The following COL19A1 variants were observed in gnomAD, a reference collection of about 807,000 sequenced individuals.
COL19A1 encodes the protein collagen alpha-1(XIX) chain.
COL19A1 carries 159 observed loss-of-function variants against 190.2 expected under a neutral mutation model. That is an observed-to-expected ratio of 0.84 (90% CI 0.73 to 0.95). The LOEUF is 0.95. Ranked by LOEUF, COL19A1 falls within the 40% of genes least tolerant of loss-of-function variation. The pLI, the probability that COL19A1 is intolerant of heterozygous loss-of-function variation, is 0.00. For missense variants in COL19A1, 1,418 were observed against 1,431.9 expected, an observed-to-expected ratio of 0.99 and a Z score of 0.16; for synonymous variants, 509 against 458.9, an observed-to-expected ratio of 1.11 and a Z score of -1.39.
At chr6:69,936,714 G>A (rs1773134661) in intron 7 of COL19A1, 71 bp from the exon 8 acceptor site, 1 of 1,570,166 alleles carries the variant, frequency 6.4e-7, no homozygotes, top group Non-Finnish European at 8.7e-7. Context: ...TAGTTTAGTG[G>A]GAGCCAGTGT....
chr6:69,954,800 C>T (rs1774317200), intron 9 of COL19A1, among the ~76,000 whole-genome samples: 1 of 151,980 alleles, frequency 6.6e-6, no homozygotes, highest in African/African-American at 2.4e-5. Flanking sequence ...TAACCATTTA[C>T]TTCAGGGCTA....
chr6:69,927,937 G>T lies in COL19A1; in HGVS notation c.295G>T (p.Glu99Ter). The T allele has an allele frequency of 6.2e-7, 1 of 1,612,866 alleles. No homozygotes were observed. The highest frequency in any genetic ancestry group is 8.5e-7 in the Non-Finnish European group (1 of 1,179,232). ...IKIFPKGLPE[E>*]YSVAAMFRVR... ...GATATTTCCCAAAGGCCTTCCTGAG[G>T]AGTACTCAGTAGCTGCCATGTTTCG... The change falls in exon 5 of 51, where the codon GAG (glutamate) becomes TAG (stop). Residue 99 changes from glutamate (E) to a stop codon, truncating the protein, a stop_gained. Transcript: ENST00000620364. LOFTEE classifies it high-confidence loss of function.
At chr6:69,965,898 T>A (rs905780301) in intron 11 of COL19A1, among the ~76,000 whole-genome samples, 38 of 152,298 alleles carry the variant, frequency 2.5e-4, no homozygotes, top group African/African-American at 8.7e-4. Flanking sequence ...TCTCCACAGC[T>A]GAGAGTTGTA....
At chr6:69,975,490 CAT>C (rs1375682445) in intron 11 of COL19A1, among the ~76,000 whole-genome samples, 1 of 152,144 alleles carries the variant, frequency 6.6e-6, no homozygotes, top group Non-Finnish European at 1.5e-5. Context: ...TAGAATCACA[CAT>C]GTTTAGAGCT....
At chr6:70,169,739 A>G (rs765162145) in intron 40 of COL19A1, among the ~76,000 whole-genome samples, 4 of 152,086 alleles carry the variant, frequency 2.6e-5, no homozygotes, top group African/African-American at 4.8e-5. Flanking sequence ...CCTGAAACCA[A>G]CTATACGCTT....
intron 14 of COL19A1, among the ~76,000 whole-genome samples, chr6:70,061,587 A>G (rs1439772167): frequency 1.3e-5 from 2 of 152,142 alleles, no homozygotes; most frequent in Non-Finnish European, 1.5e-5. Context: ...ATATCCTTGC[A>G]TTAGGTAGAC....
intron 2 of COL19A1, among the ~76,000 whole-genome samples, chr6:69,881,417 T>G (rs1023038194): frequency 3.3e-5 from 5 of 152,194 alleles, no homozygotes; most frequent in African/African-American, 9.7e-5. Context: ...TCTTAACAAA[T>G]TTTTAAGTGT....
chr6:70,063,748 G>GAAAAA (rs1780993139), intron 14 of COL19A1, among the ~76,000 whole-genome samples: 1 of 150,584 alleles, frequency 6.6e-6, no homozygotes, highest in Non-Finnish European at 1.5e-5. Flanking sequence ...GACTAATAAA[G>GAAAAA]AAGAGAGAAG....
chr6:69,890,092 G>GT (rs1769242361), intron 2 of COL19A1: 1 of 153,836 alleles, frequency 6.5e-6, no homozygotes, highest in Non-Finnish European at 1.4e-5. Context: ...TTTAAGAGCT[G>GT]TAACACTCAC....
intron 11 of COL19A1, among the ~76,000 whole-genome samples, chr6:69,977,372 A>G (rs1250264899): frequency 8.0e-6 from 1 of 124,718 alleles, no homozygotes; most frequent in African/African-American, 3.0e-5. Context: ...ATGAGAACAC[A>G]TGGACACAGG....
rs3806012 is a variant in COL19A1, at chr6:70,081,135, T to C, written c.1224+12659T>C. 2.8e-4 allele frequency among the ~76,000 whole-genome samples: 43 copies of C among 152,286 alleles called. No homozygotes were observed. The East Asian group carries it at 8.1e-3, about 29-fold the overall frequency. On this transcript the variant is annotated intron_variant, in intron 15 of 50. Transcript: ENST00000620364. ...TATACTTTTATTAGATAATTTCTAG[T>C]ATCAGAAAAGCTAAAGCCGAAAAAA...
chr6:69,996,771 C>T (rs1196687333), intron 11 of COL19A1, among the ~76,000 whole-genome samples: 1 of 151,830 alleles, frequency 6.6e-6, no homozygotes, highest in African/African-American at 2.4e-5. Flanking sequence ...CTATAACAAG[C>T]TTATTTAAAA....
intron 15 of COL19A1, among the ~76,000 whole-genome samples, chr6:70,078,345 C>T (rs561768833): frequency 6.6e-6 from 1 of 152,222 alleles, no homozygotes; most frequent in Non-Finnish European, 1.5e-5. Flanking sequence ...CTTGTATAAG[C>T]GATTTACAGA....
rs76232022 is a variant in COL19A1, at chr6:70,127,398, C to T, written c.1342-2784C>T. Among the ~76,000 whole-genome samples, 818 of 152,234 alleles carry T rather than the reference C, an allele frequency of 5.4e-3. 22 individuals are homozygous for T. The East Asian group carries it at 0.08, about 15-fold the overall frequency. On this transcript the variant is annotated intron_variant, in intron 17 of 50. Coordinates refer to ENST00000620364, the MANE Select transcript of COL19A1 (RefSeq NM_001858.6). ...TTGTAAAAGGCCAGTTAGAGACTCA[C>T]TGCAATCCTGGCAAGACATGATGGT...
In COL19A1 at chr6:70,161,888, T is replaced by C. The variant is rs781412153; in HGVS notation, c.2293-12T>C. ...ATATAACAGATTTTATGATGGGAACTATCTTTTCCAGGGTCTTCAAGGAAT... is the reference window on the plus strand; with the variant it reads ...ATATAACAGATTTTATGATGGGAACCATCTTTTCCAGGGTCTTCAAGGAAT... On this transcript the variant is annotated splice_polypyrimidine_tract_variant and intron_variant, in intron 34 of 50. Coordinates refer to ENST00000620364, the MANE Select transcript of COL19A1 (RefSeq NM_001858.6). 2 of 1,602,126 alleles carry C rather than the reference T, an allele frequency of 1.2e-6. No individual in the cohort carries two copies. The highest frequency in any genetic ancestry group is 1.1e-5 in the South Asian group (1 of 88,894).
chr6:70,108,354 A>G (rs1784092629), intron 16 of COL19A1, among the ~76,000 whole-genome samples: 2 of 152,034 alleles, frequency 1.3e-5, no homozygotes, highest in African/African-American at 4.8e-5. Context: ...AGAATTGAGC[A>G]GTGGGCTCCA....
chr6:70,192,077 G>C (rs555408359), intron 48 of COL19A1, among the ~76,000 whole-genome samples: 2 of 151,970 alleles, frequency 1.3e-5, no homozygotes, highest in African/African-American at 4.8e-5. Flanking sequence ...TGGTTGGTTG[G>C]TTTCTGAGGA....
intron 34 of COL19A1, among the ~76,000 whole-genome samples, chr6:70,159,468 T>C (rs1048072901): frequency 2.0e-5 from 3 of 151,776 alleles, no homozygotes; most frequent in Non-Finnish European, 2.9e-5. Flanking sequence ...TTGATAAAAT[T>C]TTGAAGAAAA....
At chr6:70,068,564 C>T (rs1781382685) in intron 15 of COL19A1, 88 bp downstream of exon 15, 2 of 778,484 alleles carry the variant, frequency 2.6e-6, no homozygotes, top group African/African-American at 1.8e-5. Flanking sequence ...CGAAATAGAG[C>T]AAGCAGATGG....
Sources: gnomAD v4.1 joint callset for allele counts (sites outside exome capture counted in the v4.1 genomes callset) on GRCh38, gnomAD v4.1.1 for gene constraint, MANE v1.5 for transcripts, NCBI Gene and HGNC (gene_info 2026-07-23, HGNC 2026-07-21) for gene names.